The following BCAS3 variants were observed in gnomAD, a reference collection of about 807,000 sequenced individuals.
BCAS3 encodes BCAS4/BCAS3 fusion.
In BCAS3, 53 loss-of-function variants were observed where a neutral mutation model predicts 116.1. The ratio of observed to expected loss-of-function variants is 0.46; its 90% confidence interval spans 0.37 to 0.57. BCAS3 has a LOEUF of 0.57. BCAS3 is among the 20% of genes least tolerant of loss of function. The pLI, the probability that BCAS3 is intolerant of heterozygous loss-of-function variation, is 0.00. For synonymous variants in BCAS3, 391 were observed against 408.2 expected, an observed-to-expected ratio of 0.96 and a Z score of 0.51; for missense variants, 917 against 1,165.4, an observed-to-expected ratio of 0.79 and a Z score of 3.10.
intron 22 of BCAS3, among the ~76,000 whole-genome samples, chr17:61,291,601 T>G (rs1296010222): frequency 6.6e-6 from 1 of 152,218 alleles, no homozygotes; most frequent in Non-Finnish European, 1.5e-5. Context: ...AGTCACAGCT[T>G]TTTATTCTGA....
intron 12 of BCAS3, among the ~76,000 whole-genome samples, chr17:60,911,176 G>A (rs1464872340): frequency 2.5e-5 from 3 of 119,246 alleles, no homozygotes; most frequent in East Asian, 2.9e-4. Context: ...AGGTTGGAGT[G>A]CAGTGGAGTG....
rs765526537 is a variant in BCAS3 at position 61,026,909 on chromosome 17, T to A, written c.1638-7757T>A. On this transcript the variant is annotated intron_variant, in intron 16 of 23. Coordinates refer to ENST00000407086, the MANE Select transcript of BCAS3 (RefSeq NM_017679.5). This position sits in a 1 kb window ranked among gnomAD's most constrained non-coding sequence, Gnocchi z 5.0. The stretch of plus-strand genomic sequence containing the variant: ...GGGGTGTTTTTCCATAAAAGCCCCA[T>A]GGTGAGTTCCAGTTCAGTCCCGCAT... The A allele has an allele frequency of 6.2e-7, 1 of 1,601,276 alleles. No individual in the cohort carries two copies. The highest frequency in any genetic ancestry group is 1.1e-5 in the South Asian group (1 of 88,468).
At chr17:60,698,004 C>T (rs2035842948) in intron 4 of BCAS3, among the ~76,000 whole-genome samples, 1 of 151,620 alleles carries the variant, frequency 6.6e-6, no homozygotes, top group African/African-American at 2.4e-5. Context: ...ACGGTAAAAC[C>T]CCGTCTCTAC....
intron 9 of BCAS3, among the ~76,000 whole-genome samples, chr17:60,884,819 T>C (rs1177998860): frequency 4.2e-5 from 6 of 142,016 alleles, no homozygotes; most frequent in Non-Finnish European, 9.3e-5. Context: ...TAGTTTGTTA[T>C]AATTTCTGTT....
intron 9 of BCAS3, among the ~76,000 whole-genome samples, chr17:60,880,062 A>T (rs2055973734): frequency 6.6e-6 from 1 of 152,204 alleles, no homozygotes; most frequent in African/African-American, 2.4e-5. Flanking sequence ...ATATATATGC[A>T]GTGAACTAAC....
chr17:60,678,792 T>C (rs1941347650), intron 1 of BCAS3, among the ~76,000 whole-genome samples: 1 of 152,224 alleles, frequency 6.6e-6, no homozygotes, highest in Non-Finnish European at 1.5e-5. Flanking sequence ...ATTTTCACTA[T>C]CTCAACATAA....
intron 4 of BCAS3, among the ~76,000 whole-genome samples, chr17:60,700,120 G>A (rs1043828766): frequency 2.7e-5 from 4 of 150,772 alleles, no homozygotes; most frequent in African/African-American, 9.9e-5. Flanking sequence ...GCTGTAGTGA[G>A]TCATGTTTGT....
At chr17:60,845,194 A>G (rs2052402276) in intron 7 of BCAS3, among the ~76,000 whole-genome samples, 3 of 152,330 alleles carry the variant, frequency 2.0e-5, no homozygotes, top group Middle Eastern at 3.4e-3. Flanking sequence ...GCGCCATTGC[A>G]CTCCAGCCCA....
intron 22 of BCAS3, among the ~76,000 whole-genome samples, chr17:61,094,571 G>A (rs1039300000): frequency 5.3e-5 from 8 of 152,154 alleles, no homozygotes; most frequent in African/African-American, 1.9e-4. Flanking sequence ...TTCTCGGCCG[G>A]ACACGATGGC....
chr17:61,035,777 A>G (rs2066979873), intron 17 of BCAS3, among the ~76,000 whole-genome samples: 1 of 152,078 alleles, frequency 6.6e-6, no homozygotes, highest in African/African-American at 2.4e-5. Context: ...ATTTCAGTCT[A>G]ATAACTGAGA....
intron 19 of BCAS3, among the ~76,000 whole-genome samples, chr17:61,069,413 G>A (rs186306041): frequency 3.0e-4 from 46 of 152,310 alleles, no homozygotes; most frequent in Admixed American, 8.5e-4. Flanking sequence ...ACAGAAAATG[G>A]TGCCAGAGAC....
At position 60,956,877 on chromosome 17, in the gene BCAS3, CTGTT is replaced by C. The variant is rs1424687382; in HGVS notation, c.1221+9528_1221+9531del. Among the ~76,000 whole-genome samples the C allele has an allele frequency of 6.6e-6, 1 of 152,116 alleles. No homozygotes were observed. The highest frequency in any genetic ancestry group is 1.5e-5 in the Non-Finnish European group (1 of 68,008). ...TCGTGAAATCTATATGTCACATGAT[CTGTT>C]TGGCCCTCTTTGAGTACTACAAAAG... On this transcript the variant is annotated intron_variant, in intron 14 of 23. Coordinates refer to ENST00000407086, the MANE Select transcript of BCAS3 (RefSeq NM_017679.5). This position sits in a 1 kb window ranked among gnomAD's most constrained non-coding sequence, Gnocchi z 4.2.
chr17:61,371,467 CA>C lies in BCAS3; in HGVS notation c.2593+2974del, dbSNP rs1465518684. Among the ~76,000 whole-genome samples the C allele has an allele frequency of 2.6e-5, 4 of 152,258 alleles. No homozygotes were observed. In the East Asian group the frequency reaches 7.7e-4, roughly 29 times the overall value. On this transcript the variant is annotated intron_variant, in intron 23 of 23. Coordinates refer to ENST00000407086, the MANE Select transcript of BCAS3 (RefSeq NM_017679.5). ...AGGATAGCTTTGGTCAAAGGATACA[CA>C]GTTTCAGTCAGATGAGAAGAATAAG... is the stretch of plus-strand genomic sequence containing the variant.
At chr17:60,893,852 A>G (rs1291771171) in intron 10 of BCAS3, among the ~76,000 whole-genome samples, 1 of 151,748 alleles carries the variant, frequency 6.6e-6, no homozygotes, top group East Asian at 1.9e-4. Flanking sequence ...CAAATGATCC[A>G]CCCACCTTGG....
intron 22 of BCAS3, among the ~76,000 whole-genome samples, chr17:61,280,799 G>T (rs979763634): frequency 1.3e-5 from 2 of 152,206 alleles, no homozygotes; most frequent in African/African-American, 4.8e-5. Flanking sequence ...GGTTCCGCCA[G>T]TTCTCTTCAC....
At chr17:61,176,289 AT>A (rs1332861444) in intron 22 of BCAS3, among the ~76,000 whole-genome samples, 1 of 149,288 alleles carries the variant, frequency 6.7e-6, no homozygotes, top group Non-Finnish European at 1.5e-5. Flanking sequence ...TATTTAATAT[AT>A]GGCTAATATA....
intron 13 of BCAS3, among the ~76,000 whole-genome samples, chr17:60,941,907 G>A (rs183135642): frequency 6.6e-6 from 1 of 152,270 alleles, no homozygotes; most frequent in Admixed American, 6.5e-5. Context: ...GTTTATAGTA[G>A]GTGAGGAATA....
chr17:61,151,910 T>C lies in BCAS3; in HGVS notation c.2425+67346T>C, dbSNP rs1412948415. Among the ~76,000 whole-genome samples, 4 of 152,110 alleles carry C rather than the reference T, an allele frequency of 2.6e-5. No homozygotes were observed. Among genetic ancestry groups the C allele is most frequent in the Admixed American group, 6.5e-5 (1 of 15,276 alleles). On this transcript the variant is annotated intron_variant, in intron 22 of 23. Coordinates refer to ENST00000407086, the MANE Select transcript of BCAS3 (RefSeq NM_017679.5). The surrounding 1 kb of genome is among the most constrained non-coding windows in gnomAD (Gnocchi z 4.8). The stretch of plus-strand genomic sequence containing the variant: ...AATGCACCAGACTTACTATAAGAAG[T>C]ATGGCAAGCACCAGCTCCACATAGT...
At chr17:61,057,931 T>G (rs2143267593) in intron 19 of BCAS3, among the ~76,000 whole-genome samples, 1 of 152,202 alleles carries the variant, frequency 6.6e-6, no homozygotes, top group South Asian at 2.1e-4. Flanking sequence ...TAAATTATAG[T>G]CTTGTGTCTT....
Sources: gnomAD v4.1 joint callset for allele counts (sites outside exome capture counted in the v4.1 genomes callset) on GRCh38, gnomAD v4.1.1 for gene constraint, Gnocchi (gnomAD v3.1) non-coding constraint, MANE v1.5 for transcripts, NCBI Gene and HGNC (gene_info 2026-07-23, HGNC 2026-07-21) for gene names.